BCL3: variants seen among roughly 807,000 people sequenced by gnomAD.
The protein encoded by BCL3 is B-cell lymphoma 3 protein.
In BCL3, 15 loss-of-function variants were observed where a neutral mutation model predicts 35.7. That is an observed-to-expected ratio of 0.42 (90% CI 0.28 to 0.65). The LOEUF (loss-of-function observed/expected upper bound fraction) is 0.65, where lower values mean the gene tolerates loss of function less well. Among genes scored for constraint, BCL3 ranks in the 30% least tolerant of loss-of-function variants. The probability of loss-of-function intolerance (pLI) is 0.22; values close to 1 mark genes in which losing one functional copy is unlikely to be tolerated. For synonymous variants in BCL3, 311 were observed against 284.3 expected (o/e 1.09, Z -0.95); for missense variants, 565 against 641.7 (o/e 0.88, Z 1.29).
intron 2 of BCL3, among the ~76,000 whole-genome samples, chr19:44,751,849 C>T (rs2965130): frequency 0.06 from 8,769 of 145,444 alleles, 643 homozygotes; most frequent in African/African-American, 0.2. Flanking sequence ...GTGATCCACT[C>T]GCCTTGGCCT....
At chr19:44,758,645 G>A in intron 7 of BCL3, 79 bp from the exon 8 acceptor site, 2 of 1,360,916 alleles carry the variant, frequency 1.5e-6, no homozygotes, top group Non-Finnish European at 2.0e-6. Flanking sequence ...GCCACCACCT[G>A]GATCCAGTGA....
intron 1 of BCL3, among the ~76,000 whole-genome samples, chr19:44,750,922 C>T (rs1457062151): frequency 6.6e-6 from 1 of 152,182 alleles, no homozygotes. Context: ...CTGGGGTCCC[C>T]TGCTAGGTGA....
intron 2 of BCL3, 53 bp from the exon 3 acceptor site, chr19:44,756,179 T>G: frequency 8.1e-7 from 1 of 1,237,502 alleles, no homozygotes; most frequent in Non-Finnish European, 1.1e-6. Context: ...AGCATGAGGG[T>G]GAGAGGTGAA....
Position 44,757,824 on chromosome 19 carries a change from T to A in BCL3, c.891+101T>A. 1 of 1,163,980 alleles carries A rather than the reference T, an allele frequency of 8.6e-7. No homozygotes were observed. Among genetic ancestry groups the A allele is most frequent in the South Asian group, 1.3e-5 (1 of 77,860 alleles). The allele number at this position is 1,163,980 out of a possible 1,614,324, so 72.1% of individuals were successfully genotyped here. A position where few individuals can be genotyped will look rare whatever the true frequency, so the allele number is the denominator to read the frequency against. ...TCTGACCCCGCCTTCCACTTCTGGC[T>A]CCGGCTCCTGCTCCGCGTCCAGCTC... On this transcript the variant is annotated intron_variant, in intron 6 of 8. Transcript: ENST00000164227. The surrounding 1 kb of genome is among the most constrained non-coding windows in gnomAD (Gnocchi z 8.4).
rs747854207 is a variant in BCL3, at chr19:44,757,284, CA to C, written c.725-40del. The stretch of plus-strand genomic sequence containing the variant: ...CGGACCTGGAGTCCATCAGCGGCCG[CA>C]AAGCCCGGGCCTAGGTTTCACCGAG... On this transcript the variant is annotated intron_variant, in intron 4 of 8. Coordinates refer to ENST00000164227, the MANE Select transcript of BCL3 (RefSeq NM_005178.5). The surrounding 1 kb of genome is among the most constrained non-coding windows in gnomAD (Gnocchi z 8.4). The C allele has an allele frequency of 5.7e-6, 9 of 1,567,632 alleles. No homozygotes were observed. Among genetic ancestry groups the C allele is most frequent in the Non-Finnish European group, 7.8e-6 (9 of 1,155,166 alleles).
At chr19:44,747,743 G>A, upstream of BCL3, 2 of 941,974 alleles carry the variant, frequency 2.1e-6, no homozygotes, top group Non-Finnish European at 2.6e-6. Flanking sequence ...CCTCGGTCGC[G>A]CTGACTCTGG....
At chr19:44,758,636 C>G in intron 7 of BCL3, 88 bp from the exon 8 acceptor site, 1 of 1,315,284 alleles carries the variant, frequency 7.6e-7, no homozygotes, top group Non-Finnish European at 1.1e-6. Context: ...AGTGGAGAGG[C>G]CACCACCTGG....
At chr19:44,752,547 T>C (rs1180316409) in intron 2 of BCL3, among the ~76,000 whole-genome samples, 1 of 152,104 alleles carries the variant, frequency 6.6e-6, no homozygotes. Flanking sequence ...GTCGACTTCA[T>C]TGTTTCATGG....
chr19:44,748,190 A>G (rs2122268211), upstream of BCL3: 2 of 746,316 alleles, frequency 2.7e-6, no homozygotes, highest in Non-Finnish European at 3.9e-6. Context: ...TGAGAGACAG[A>G]GAAGCAGACA....
At position 44,758,810 on chromosome 19, in the gene BCL3, C is replaced by T; in HGVS notation, c.1146C>T (p.Ser382=). ...DPSPDRSANT[S]PESSSRLSSN... The stretch of plus-strand genomic sequence containing the variant: ...CCCCTGACCGGAGCGCCAACACCTC[C>T]CCCGAGAGCAGCAGCCGCCTCAGCT... Residue 382 remains serine, a synonymous_variant, in exon 8 of 9, where the codon TCC becomes TCT. Coordinates refer to ENST00000164227, the MANE Select transcript of BCL3 (RefSeq NM_005178.5). 1 of 1,605,340 alleles carries T rather than the reference C, an allele frequency of 6.2e-7. No homozygotes were observed. The highest frequency in any genetic ancestry group is 1.1e-5 in the South Asian group (1 of 89,920).
At chr19:44,758,874 GCCT>G in intron 8 of BCL3, 33 bp downstream of exon 8, 1 of 1,512,268 alleles carries the variant, frequency 6.6e-7, no homozygotes, top group Non-Finnish European at 8.9e-7. Flanking sequence ...CAGCCCTGGC[GCCT>G]CCTCCCTCAG....
In BCL3 at chr19:44,751,241, T is replaced by C; in HGVS notation, c.271T>C (p.Leu91=). The change falls in exon 2 of 9, where the codon TTG becomes CTG. Residue 91 remains leucine, a synonymous_variant. Transcript: ENST00000164227. ...CCATTGTCCAGGAGCCTTACTGCCT[T>C]TGTACCCCACTCGGGCCATGGGCTC... The part of the protein sequence containing the change: ...ALYYPGALLP[L]YPTRAMGSPF... The C allele has an allele frequency of 6.2e-7, 1 of 1,611,014 alleles. No homozygotes were observed. Among genetic ancestry groups the C allele is most frequent in the Non-Finnish European group, 8.5e-7 (1 of 1,178,796 alleles).
chr19:44,758,362 C>A lies in BCL3; in HGVS notation c.1008C>A (p.Ser336Arg). The change falls in exon 7 of 9, where the codon AGC (serine) becomes AGA (arginine). Residue 336 changes from serine to arginine, a missense_variant. Transcript: ENST00000164227. ...TGGTCCGCAGCGGCGCTGACAGCAG[C>A]CTCAAGAACTGCCACAACGACACGC... ...RTLVRSGADS[S>R]LKNCHNDTPL... 1 of 1,552,920 alleles carries A rather than the reference C, an allele frequency of 6.4e-7. No homozygotes were observed.
chr19:44,749,130 C>A, intron 1 of BCL3, 84 bp downstream of exon 1: 1 of 678,142 alleles, frequency 1.5e-6, no homozygotes, highest in Non-Finnish European at 2.0e-6. Flanking sequence ...GCTTGAGGCA[C>A]AAACCGGTGT....
chr19:44,748,666 A>C, upstream of BCL3: 1 of 1,026,078 alleles, frequency 9.7e-7, no homozygotes. Flanking sequence ...GGCGGCCGGC[A>C]CCGCCCCGGC....
At position 44,758,849 on chromosome 19, in the gene BCL3, A is replaced by G. The variant is rs1967356472; in HGVS notation, c.1177+8A>G. ...GCCGCCTCAGCTCCAATGGTGAGAAACCGTTCCCAACCTCCAGCCCTGGCG... is the reference window on the plus strand; with the variant it reads ...GCCGCCTCAGCTCCAATGGTGAGAAGCCGTTCCCAACCTCCAGCCCTGGCG... On this transcript the variant is annotated splice_region_variant and intron_variant, in intron 8 of 8. Coordinates refer to ENST00000164227, the MANE Select transcript of BCL3 (RefSeq NM_005178.5). The G allele has an allele frequency of 6.3e-7, 1 of 1,575,040 alleles. No homozygotes were observed. The highest frequency in any genetic ancestry group is 8.6e-7 in the Non-Finnish European group (1 of 1,162,236).
At position 44,748,926 on chromosome 19, in the gene BCL3, G is replaced by A; in HGVS notation, c.136G>A (p.Ala46Thr). Reference sequence around the variant, plus strand: ...GCGCGCGCCCTCCCCGGAGCCCGCCGCTCCCCGCGGCGCTGCGGGCCTTGT... The same window carrying A: ...GCGCGCGCCCTCCCCGGAGCCCGCCACTCCCCGCGGCGCTGCGGGCCTTGT... ...PLRAPSPEPA[A>T]PRGAAGLVVP... Residue 46 changes from alanine to threonine, a missense_variant, in exon 1 of 9, where the codon GCT (alanine) becomes ACT (threonine). Transcript: ENST00000164227. 4 of 1,185,490 alleles carry A rather than the reference G, an allele frequency of 3.4e-6. No individual in the cohort carries two copies. The highest frequency in any genetic ancestry group is 3.2e-5 in the African/African-American group (2 of 62,096). The allele number at this position is 1,185,490 out of a possible 1,614,324, so 73.4% of individuals were successfully genotyped here.
chr19:44,749,099 T>G, intron 1 of BCL3, 53 bp downstream of exon 1: 1 of 992,662 alleles, frequency 1.0e-6, no homozygotes, highest in Non-Finnish European at 1.3e-6. Context: ...GAGCATAGGG[T>G]CACCAGAGCC....
At position 44,757,486 on chromosome 19, in the gene BCL3, A is replaced by AT; in HGVS notation, c.813+71_813+72insT. 10 of 1,032,654 alleles carry AT rather than the reference A, an allele frequency of 9.7e-6. No homozygotes were observed. The highest frequency in any genetic ancestry group is 1.4e-5 in the Non-Finnish European group (10 of 719,888). The allele number at this position is 1,032,654 out of a possible 1,614,324, so 64.0% of individuals were successfully genotyped here. A position where few individuals can be genotyped will look rare whatever the true frequency, so the allele number is the denominator to read the frequency against. ...GCGGGGTCTTGGCGGGGGCGGGGCC[A>AT]GTGTGGGGCTGGCGTGGGAGAGCAC... On this transcript the variant is annotated intron_variant, in intron 5 of 8. Transcript: ENST00000164227. This position sits in a 1 kb window ranked among gnomAD's most constrained non-coding sequence, Gnocchi z 8.4.
Sources: gnomAD v4.1 joint callset for allele counts (sites outside exome capture counted in the v4.1 genomes callset) on GRCh38, gnomAD v4.1.1 for gene constraint, Gnocchi (gnomAD v3.1) non-coding constraint, MANE v1.5 for transcripts, NCBI Gene and HGNC (gene_info 2026-07-23, HGNC 2026-07-21) for gene names.